The following RSU1 variants were observed in gnomAD, a reference collection of about 807,000 sequenced individuals.
RSU1 encodes rsu-1.
A neutral mutation model predicts 31.1 loss-of-function variants in RSU1; 26 were observed. The observed-to-expected ratio is 0.84, with a 90% CI of 0.61 to 1.16. RSU1 has a LOEUF of 1.16. RSU1 is among the 50% of genes most tolerant of loss of function. RSU1 has a pLI of 0.00. For synonymous variants in RSU1, 164 were observed against 136.3 expected, an observed-to-expected ratio of 1.20 and a Z score of -1.41; for missense variants, 320 against 339.1, an observed-to-expected ratio of 0.94 and a Z score of 0.44.
rs779459591 is a variant in RSU1, at chr10:16,695,159, G to T, written c.599-4C>A. 5.3e-6 allele frequency: 7 copies of T among 1,310,268 alleles called. No individual in the cohort carries two copies. The highest frequency in any genetic ancestry group is 4.6e-5 in the Admixed American group (2 of 43,152). 81.2% of individuals were successfully genotyped at this position (1,310,268 alleles called of 1,614,324 possible). A position where few individuals can be genotyped will look rare whatever the true frequency, so the allele number is the denominator to read the frequency against. The stretch of plus-strand genomic sequence containing the variant: ...TGGCCAGTTAAATCCAAGTTTCCTG[G>T]GGGGGGGGAAAAAAAAAGTGAAGGT... On this transcript the variant is annotated splice_region_variant and splice_polypyrimidine_tract_variant and intron_variant, in intron 7 of 8. Coordinates refer to ENST00000345264, the MANE Select transcript of RSU1 (RefSeq NM_012425.4).
chr10:16,779,387 C>T (rs920013976), intron 3 of RSU1, among the ~76,000 whole-genome samples: 1 of 152,200 alleles, frequency 6.6e-6, no homozygotes, highest in Non-Finnish European at 1.5e-5. Context: ...CCTGGGTAGA[C>T]ATGTCAAGGC....
chr10:16,803,625 CAATAGACAAG>C (rs1564363664), intron 2 of RSU1, among the ~76,000 whole-genome samples: 1 of 152,114 alleles, frequency 6.6e-6, no homozygotes, highest in East Asian at 1.9e-4. Context: ...GTTGGTGAAA[CAATAGACAAG>C]TAGGTCACTG....
intron 7 of RSU1, among the ~76,000 whole-genome samples, chr10:16,710,865 G>A (rs776546514): frequency 6.6e-6 from 1 of 152,054 alleles, no homozygotes; most frequent in Non-Finnish European, 1.5e-5. Flanking sequence ...CCCTCCGTGT[G>A]TCCATGTGTT....
At chr10:16,735,458 T>C (rs902770583) in intron 7 of RSU1, among the ~76,000 whole-genome samples, 5 of 152,172 alleles carry the variant, frequency 3.3e-5, no homozygotes, top group Non-Finnish European at 7.3e-5. Flanking sequence ...TTATCAAAAA[T>C]TAATCCAGAC....
At chr10:16,645,804 C>T (rs1470181226) in intron 8 of RSU1, among the ~76,000 whole-genome samples, 1 of 145,242 alleles carries the variant, frequency 6.9e-6, no homozygotes, top group Admixed American at 7.0e-5. Context: ...GAGACTCTGT[C>T]ACAAAAAAAA....
rs760586484 is a variant in RSU1 at position 16,726,267 on chromosome 10, C to CTTTTT, written c.598+26267_598+26271dup. Among the ~76,000 whole-genome samples, 169 of 137,068 alleles carry CTTTTT rather than the reference C, an allele frequency of 1.2e-3. 7 individuals are homozygous for CTTTTT. Among genetic ancestry groups the CTTTTT allele is most frequent in the African/African-American group, 4.4e-3 (150 of 33,786 alleles). The allele number at this position is 137,068 out of a possible 152,430, so 89.9% of individuals were successfully genotyped here. A position where few individuals can be genotyped will look rare whatever the true frequency, so the allele number is the denominator to read the frequency against. On this transcript the variant is annotated intron_variant, in intron 7 of 8. Coordinates refer to ENST00000345264, the MANE Select transcript of RSU1 (RefSeq NM_012425.4). ...CTTTCTGTCTATCTTAGGAACGTATCTTTTTTTTTTTTTTTTTTTGAGACA... is the reference window on the plus strand; with the variant it reads ...CTTTCTGTCTATCTTAGGAACGTATCTTTTTTTTTTTTTTTTTTTTTTTTGAGACA...
At chr10:16,690,164 G>C (rs1588716826) in intron 8 of RSU1, among the ~76,000 whole-genome samples, 1 of 152,152 alleles carries the variant, frequency 6.6e-6, no homozygotes, top group East Asian at 1.9e-4. Flanking sequence ...CTACCTTCTG[G>C]AAACTTAAGT....
At chr10:16,817,200 G>C in intron 1 of RSU1, 115 bp downstream of exon 1, 1 of 739,280 alleles carries the variant, frequency 1.4e-6, no homozygotes. Flanking sequence ...GTGGGCGTCC[G>C]AGGGCGTCCC....
chr10:16,675,191 A>G (rs924850471), intron 8 of RSU1, among the ~76,000 whole-genome samples: 1 of 127,640 alleles, frequency 7.8e-6, no homozygotes, highest in Non-Finnish European at 1.6e-5. Context: ...ACAGAGCGAG[A>G]CTCTGTCTCA....
intron 2 of RSU1, among the ~76,000 whole-genome samples, chr10:16,810,356 A>G (rs567802867): frequency 6.6e-6 from 1 of 152,346 alleles, no homozygotes; most frequent in African/African-American, 2.4e-5. Flanking sequence ...GACACAGAGT[A>G]TTTTAATTAT....
At chr10:16,624,206 A>G (rs561683616) in intron 8 of RSU1, among the ~76,000 whole-genome samples, 7 of 140,494 alleles carry the variant, frequency 5.0e-5, no homozygotes, top group Admixed American at 4.8e-4. Context: ...AAGCTTGCAC[A>G]TGTGTGTGTG....
At chr10:16,788,800 A>C (rs1383986807) in intron 2 of RSU1, among the ~76,000 whole-genome samples, 1 of 152,196 alleles carries the variant, frequency 6.6e-6, no homozygotes, top group Non-Finnish European at 1.5e-5. Flanking sequence ...ACTTACAAGC[A>C]ATTAATCAAA....
intron 8 of RSU1, among the ~76,000 whole-genome samples, chr10:16,684,693 T>C (rs1197457386): frequency 6.6e-6 from 1 of 152,096 alleles, no homozygotes; most frequent in Non-Finnish European, 1.5e-5. Context: ...CATGAGACAA[T>C]GAATTTCTGC....
In RSU1 at chr10:16,708,259, C is replaced by T. The variant is rs768627033; in HGVS notation, c.599-13104G>A. On this transcript the variant is annotated intron_variant, in intron 7 of 8. Transcript: ENST00000345264. ...ACATACATTATATACTATATTCTTA[C>T]AATAAAGCTAGAGAAAATGTCATTA... 1.1e-4 allele frequency among the ~76,000 whole-genome samples: 16 copies of T among 152,156 alleles called. No individual in the cohort carries two copies. In the Middle Eastern group the frequency reaches 0.01, roughly 97 times the overall value.
rs534049883 is a variant in RSU1, at chr10:16,795,027, G to C, written c.110-12943C>G. Among the ~76,000 whole-genome samples the C allele has an allele frequency of 7.2e-5, 11 of 152,306 alleles. 1 individual carries two copies. In the East Asian group the frequency reaches 2.1e-3, roughly 29 times the overall value. ...GACCACTACATCACTGTGTTGTGCT[G>C]AGCACTTTACATATGTGTTCACTAG... On this transcript the variant is annotated intron_variant, in intron 2 of 8. Transcript: ENST00000345264.
intron 3 of RSU1, among the ~76,000 whole-genome samples, chr10:16,778,301 T>C (rs1837579647): frequency 6.6e-6 from 1 of 152,134 alleles, no homozygotes; most frequent in South Asian, 2.1e-4. Context: ...CAGCCACATC[T>C]ACTCAAGTCC....
At position 16,612,236 on chromosome 10, in the gene RSU1, A is replaced by G. The variant is rs763801047; in HGVS notation, c.732-18740T>C. Among the ~76,000 whole-genome samples the G allele has an allele frequency of 9.9e-5, 15 of 152,210 alleles. 1 individual carries two copies. Among genetic ancestry groups the G allele is most frequent in the Non-Finnish European group, 1.8e-4 (12 of 68,036 alleles). ...ACACTGTTTCTTTCCAAAGAGATAT[A>G]TATTTTTTAAATGTTGCAATATGTA... On this transcript the variant is annotated intron_variant, in intron 8 of 8. Transcript: ENST00000345264.
chr10:16,621,480 C>T (rs1834069769), intron 8 of RSU1, among the ~76,000 whole-genome samples: 1 of 152,128 alleles, frequency 6.6e-6, no homozygotes, highest in South Asian at 2.1e-4. Flanking sequence ...TACACTGATG[C>T]AAGTTGTCAA....
rs758418078 is a variant in RSU1 at position 16,816,976 on chromosome 10, G to A, written c.106C>T (p.Leu36Phe). 52 of 1,610,962 alleles carry A rather than the reference G, an allele frequency of 3.2e-5. No homozygotes were observed. Among genetic ancestry groups the A allele is most frequent in the Non-Finnish European group, 4.1e-5 (48 of 1,177,174 alleles). Residue 36 changes from leucine (L) to phenylalanine (F), a missense_variant, in exon 2 of 9, where the codon CTC becomes TTC. Transcript: ENST00000345264. ...AGAGTCCTGCCCGAGAACTCACAGAGGCCGTTGACATCCAGCATGTTGGAG... is the reference window on the plus strand; with the variant it reads ...AGAGTCCTGCCCGAGAACTCACAGAAGCCGTTGACATCCAGCATGTTGGAG... ...GISNMLDVNG[L>F]FTLSHITQLV...
Sources: gnomAD v4.1 joint callset for allele counts (sites outside exome capture counted in the v4.1 genomes callset) on GRCh38, gnomAD v4.1.1 for gene constraint, MANE v1.5 for transcripts, NCBI Gene and HGNC (gene_info 2026-07-23, HGNC 2026-07-21) for gene names.